Variants in PIP4K2A observed in about 807,000 individuals in gnomAD.
PIP4K2A encodes phosphatidylinositol-5-phosphate 4-kinase type 2 alpha, also known as phosphatidylinositol 5-phosphate 4-kinase type-2 alpha.
PIP4K2A carries 14 observed loss-of-function variants against 42.9 expected under a neutral mutation model. That is an observed-to-expected ratio of 0.33 (90% CI 0.22 to 0.51). The LOEUF (loss-of-function observed/expected upper bound fraction) is 0.51, where lower values mean the gene tolerates loss of function less well. Ranked by LOEUF, PIP4K2A falls within the 20% of genes least tolerant of loss-of-function variation. The pLI, the probability that PIP4K2A is intolerant of heterozygous loss-of-function variation, is 0.97. For synonymous variants in PIP4K2A, 192 were observed against 192.2 expected (o/e 1.00, Z 0.01); for missense variants, 434 against 519.8 (o/e 0.83, Z 1.61).
intron 1 of PIP4K2A, among the ~76,000 whole-genome samples, chr10:22,671,899 C>A (rs963634463): frequency 2.0e-5 from 3 of 151,936 alleles, no homozygotes; most frequent in African/African-American, 7.3e-5. Context: ...CTAGCACCCA[C>A]TGAGAGGAAT....
chr10:22,614,053 C>T (rs558718738), intron 1 of PIP4K2A, among the ~76,000 whole-genome samples: 1 of 152,300 alleles, frequency 6.6e-6, no homozygotes, highest in African/African-American at 2.4e-5. Flanking sequence ...CCCGTGGTCA[C>T]GGGTGTGGGT....
chr10:22,711,992 G>C (rs1389046060), intron 1 of PIP4K2A, among the ~76,000 whole-genome samples: 1 of 152,132 alleles, frequency 6.6e-6, no homozygotes, highest in Non-Finnish European at 1.5e-5. Flanking sequence ...AAAAATATTA[G>C]AGGTGTTTTA....
chr10:22,561,406 C>A (rs1836690691), intron 6 of PIP4K2A, among the ~76,000 whole-genome samples: 1 of 151,996 alleles, frequency 6.6e-6, no homozygotes, highest in African/African-American at 2.4e-5. Flanking sequence ...TTGTCTGCAC[C>A]TATAACGCTA....
chr10:22,547,387 G>C (rs1418782519), intron 7 of PIP4K2A, among the ~76,000 whole-genome samples: 1 of 152,222 alleles, frequency 6.6e-6, no homozygotes, highest in Non-Finnish European at 1.5e-5. Flanking sequence ...GCCCCAGTCT[G>C]AATTTAGAAG....
At chr10:22,608,901 C>G (rs1345034449) in intron 2 of PIP4K2A, among the ~76,000 whole-genome samples, 1 of 149,804 alleles carries the variant, frequency 6.7e-6, no homozygotes, top group Non-Finnish European at 1.5e-5. Context: ...TAATGATCCT[C>G]ACATGGGAGT....
At position 22,565,588 on chromosome 10, in the gene PIP4K2A, C is replaced by T. The variant is rs1473402953; in HGVS notation, c.678+2263G>A. Among the ~76,000 whole-genome samples the T allele has an allele frequency of 2.6e-5, 4 of 152,268 alleles. No homozygotes were observed. The East Asian group carries it at 5.8e-4, about 22-fold the overall frequency. ...CCATGGGATAATTGCGTTAACTGCACAAATTGTACAGCATGTGTGTTTGAA... is the reference window on the plus strand; with the variant it reads ...CCATGGGATAATTGCGTTAACTGCATAAATTGTACAGCATGTGTGTTTGAA... On this transcript the variant is annotated intron_variant, in intron 6 of 9. Coordinates refer to ENST00000376573, the MANE Select transcript of PIP4K2A (RefSeq NM_005028.5).
At chr10:22,552,818 A>G (rs979294386) in intron 6 of PIP4K2A, among the ~76,000 whole-genome samples, 5 of 152,156 alleles carry the variant, frequency 3.3e-5, no homozygotes, top group Non-Finnish European at 7.4e-5. Flanking sequence ...TGGGGGTGTT[A>G]AGGATATCTG....
intron 6 of PIP4K2A, among the ~76,000 whole-genome samples, chr10:22,552,844 C>G (rs1333912732): frequency 6.6e-6 from 1 of 152,014 alleles, no homozygotes; most frequent in Non-Finnish European, 1.5e-5. Flanking sequence ...ATTCCACAAC[C>G]CATTTTATAA....
chr10:22,598,241 C>G (rs1219613664), intron 3 of PIP4K2A, among the ~76,000 whole-genome samples: 1 of 152,038 alleles, frequency 6.6e-6, no homozygotes, highest in Non-Finnish European at 1.5e-5. Context: ...GCCTGTAGTT[C>G]TAGCTATAAG....
rs57671642 is a variant in PIP4K2A, at chr10:22,627,591, T to TAAAAAAAAAAAA, written c.145-17886_145-17875dup. Among the ~76,000 whole-genome samples the TAAAAAAAAAAAA allele has an allele frequency of 1.5e-3, 86 of 57,024 alleles. 12 individuals are homozygous for TAAAAAAAAAAAA. The highest frequency in any genetic ancestry group is 2.9e-3 in the East Asian group (3 of 1,044). The allele number at this position is 57,024 out of a possible 152,430, so 37.4% of individuals were successfully genotyped here. On this transcript the variant is annotated intron_variant, in intron 1 of 9. Transcript: ENST00000376573. Reference sequence around the variant, plus strand: ...TGTTTAACCAAAAGCTAATATGTAATAAAAAAAAAAAAAAAAAAAAAAAAA... The same window carrying TAAAAAAAAAAAA: ...TGTTTAACCAAAAGCTAATATGTAATAAAAAAAAAAAAAAAAAAAAAAAAAAAAAAAAAAAAA...
At chr10:22,647,564 A>G (rs1276450957) in intron 1 of PIP4K2A, among the ~76,000 whole-genome samples, 1 of 152,198 alleles carries the variant, frequency 6.6e-6, no homozygotes, top group Non-Finnish European at 1.5e-5. Flanking sequence ...ACAATAACAT[A>G]GGCCACAACA....
intron 1 of PIP4K2A, among the ~76,000 whole-genome samples, chr10:22,687,989 C>A (rs1239625737): frequency 6.6e-6 from 1 of 151,914 alleles, no homozygotes; most frequent in Non-Finnish European, 1.5e-5. Flanking sequence ...TGTTGTAAAC[C>A]TCAAATATAC....
chr10:22,577,306 T>C (rs1308407285), intron 4 of PIP4K2A, among the ~76,000 whole-genome samples: 1 of 151,996 alleles, frequency 6.6e-6, no homozygotes, highest in African/African-American at 2.4e-5. Context: ...GTTTGAATAT[T>C]TGTCCCCTCT....
chr10:22,596,561 G>C (rs1837640278), intron 3 of PIP4K2A, among the ~76,000 whole-genome samples: 1 of 152,232 alleles, frequency 6.6e-6, no homozygotes, highest in Non-Finnish European at 1.5e-5. Context: ...AAACTCCTCA[G>C]TGTGCTTTGT....
At chr10:22,609,853 C>T (rs1837991237) in intron 1 of PIP4K2A, 136 bp from the exon 2 acceptor site, 2 of 587,178 alleles carry the variant, frequency 3.4e-6, no homozygotes, top group Middle Eastern at 4.4e-4. Flanking sequence ...ACCCTCCTTC[C>T]CTCTGCCATC....
At chr10:22,578,779 C>T (rs767176194) in intron 4 of PIP4K2A, among the ~76,000 whole-genome samples, 1 of 152,162 alleles carries the variant, frequency 6.6e-6, no homozygotes, top group Non-Finnish European at 1.5e-5. Flanking sequence ...GTAAGCTCCA[C>T]GAAGGTGGCA....
rs751067466 is a variant in PIP4K2A, at chr10:22,537,273, C to T, written c.1149G>A (p.Ala383=). 1.7e-5 allele frequency: 27 copies of T among 1,596,366 alleles called. No homozygotes were observed. In the East Asian group the frequency reaches 1.8e-4, roughly 11 times the overall value. The change falls in exon 10 of 10, where the codon GCG becomes GCA. Residue 383 remains alanine (A), a synonymous_variant. Transcript: ENST00000376573. ...AAKTVKHGAG[A]EISTVNPEQY... ...GTTCTGGGTTCACGGTGGAGATCTC[C>T]GCGCCAGCCTGGGCAGTTTTTAAAA...
chr10:22,584,709 T>C (rs1837353099), intron 4 of PIP4K2A, among the ~76,000 whole-genome samples: 1 of 152,126 alleles, frequency 6.6e-6, no homozygotes, highest in South Asian at 2.1e-4. Flanking sequence ...AGATGACAAA[T>C]ACCTTCCCCT....
At position 22,656,365 on chromosome 10, in the gene PIP4K2A, C is replaced by A. The variant is rs116006711; in HGVS notation, c.145-46648G>T. 9.9e-3 allele frequency among the ~76,000 whole-genome samples: 1,508 copies of A among 152,322 alleles called. 26 individuals carry two copies. The highest frequency in any genetic ancestry group is 0.035 in the African/African-American group (1,449 of 41,572). On this transcript the variant is annotated intron_variant, in intron 1 of 9. Coordinates refer to ENST00000376573, the MANE Select transcript of PIP4K2A (RefSeq NM_005028.5). Reference sequence around the variant, plus strand: ...CTTCCCATTCCCCTGGACACGACAACTGCTTCAGGGACAGACGTATGACCC... The same window carrying A: ...CTTCCCATTCCCCTGGACACGACAAATGCTTCAGGGACAGACGTATGACCC...
Sources: allele counts gnomAD v4.1 joint callset (sites outside exome capture counted in the v4.1 genomes callset), GRCh38; gene constraint gnomAD v4.1.1; transcripts MANE v1.5; gene names NCBI Gene and HGNC (gene_info 2026-07-23, HGNC 2026-07-21).